Variants in MAP2 observed in about 807,000 individuals in gnomAD.
MAP2 encodes microtubule-associated protein 2.
In MAP2, 14 loss-of-function variants were observed where a neutral mutation model predicts 137.6. That is an observed-to-expected ratio of 0.10 (90% CI 0.07 to 0.16). MAP2 has a LOEUF of 0.16. Ranked by LOEUF, MAP2 falls within the 10% of genes least tolerant of loss-of-function variation. The pLI is 1.00. For synonymous variants in MAP2, 786 were observed against 782.3 expected (o/e 1.00, Z -0.08); for missense variants, 2,088 against 2,191.5 (o/e 0.95, Z 0.94).
chr2:209,618,375 C>T (rs529014399), intron 3 of MAP2, among the ~76,000 whole-genome samples: 11 of 152,188 alleles, frequency 7.2e-5, no homozygotes, highest in African/African-American at 1.2e-4. Flanking sequence ...TACAAAAGTC[C>T]TTGAGGCTAA....
At chr2:209,656,365 C>T (rs1226658182) in intron 5 of MAP2, among the ~76,000 whole-genome samples, 2 of 151,852 alleles carry the variant, frequency 1.3e-5, no homozygotes, top group African/African-American at 2.4e-5. Context: ...AAAAATTAGC[C>T]GGGTATGATG....
chr2:209,531,648 A>C (rs1183595574), intron 2 of MAP2, among the ~76,000 whole-genome samples: 1 of 152,178 alleles, frequency 6.6e-6, no homozygotes, highest in East Asian at 1.9e-4. Context: ...ATAGTTTTAG[A>C]AATCTGTTAT....
intron 1 of MAP2, among the ~76,000 whole-genome samples, chr2:209,476,237 T>A (rs1707182090): frequency 6.6e-6 from 1 of 152,120 alleles, no homozygotes; most frequent in Non-Finnish European, 1.5e-5. Flanking sequence ...GTGATAGCAG[T>A]CACTTGGAAA....
Position 209,541,085 on chromosome 2 carries a change from C to T in MAP2, c.-172+33444C>T, listed in dbSNP as rs953456516. ...TTATTCTGTCACCCAGGCTGGAGTG[C>T]GATGGCACGATCTCGGCTCACTGCA... On this transcript the variant is annotated intron_variant, in intron 2 of 15. Coordinates refer to ENST00000682079, the MANE Select transcript of MAP2 (RefSeq NM_001375505.1). Among the ~76,000 whole-genome samples the T allele has an allele frequency of 6.0e-5, 9 of 151,086 alleles. No homozygotes were observed. In the East Asian group the frequency reaches 1.5e-3, roughly 26 times the overall value.
chr2:209,686,189 A>G (rs1377077204), intron 7 of MAP2, among the ~76,000 whole-genome samples: 1 of 152,220 alleles, frequency 6.6e-6, no homozygotes, highest in African/African-American at 2.4e-5. Flanking sequence ...TGAACTAAGA[A>G]TATCAAACGT....
At chr2:209,485,728 C>A (rs1331583147) in intron 1 of MAP2, among the ~76,000 whole-genome samples, 8 of 152,216 alleles carry the variant, frequency 5.3e-5, no homozygotes, top group Non-Finnish European at 8.8e-5. Flanking sequence ...AACACTGCTA[C>A]TATAATCCCA....
At chr2:209,628,584 C>G (rs2092660265) in intron 4 of MAP2, among the ~76,000 whole-genome samples, 1 of 152,136 alleles carries the variant, frequency 6.6e-6, no homozygotes, top group African/African-American at 2.4e-5. Flanking sequence ...GTCTATTGTT[C>G]ACATGGAAGT....
At chr2:209,673,643 G>A (rs1044902768) in intron 5 of MAP2, among the ~76,000 whole-genome samples, 7 of 151,758 alleles carry the variant, frequency 4.6e-5, no homozygotes, top group African/African-American at 1.7e-4. Flanking sequence ...GCAGTTTTAT[G>A]TTTGTTTAAT....
chr2:209,690,947 G>T (rs148207571), intron 7 of MAP2: 2 of 1,105,526 alleles, frequency 1.8e-6, no homozygotes, highest in Non-Finnish European at 2.3e-6. Flanking sequence ...CTATTTCATC[G>T]CTGGGTCTTA....
At chr2:209,605,857 G>A (rs1315469223) in intron 3 of MAP2, among the ~76,000 whole-genome samples, 1 of 152,022 alleles carries the variant, frequency 6.6e-6, no homozygotes, top group Admixed American at 6.6e-5. Flanking sequence ...CCTTAGACTT[G>A]CAATTTAAAT....
At chr2:209,631,303 C>T (rs1163874526) in intron 4 of MAP2, among the ~76,000 whole-genome samples, 14 of 152,210 alleles carry the variant, frequency 9.2e-5, no homozygotes, top group Non-Finnish European at 1.0e-4. Flanking sequence ...CTTAAACCAA[C>T]GTTTCAGTAC....
At chr2:209,583,058 GT>G (rs1238324440) in intron 3 of MAP2, among the ~76,000 whole-genome samples, 1 of 151,760 alleles carries the variant, frequency 6.6e-6, no homozygotes, top group African/African-American at 2.4e-5. Flanking sequence ...ATGCAATAAG[GT>G]TAAAACAGTA....
chr2:209,485,576 A>T (rs2058276330), intron 1 of MAP2, among the ~76,000 whole-genome samples: 1 of 152,206 alleles, frequency 6.6e-6, no homozygotes, highest in Non-Finnish European at 1.5e-5. Context: ...TGTCGTTGGG[A>T]AGCAGGTGTC....
intron 5 of MAP2, among the ~76,000 whole-genome samples, chr2:209,667,663 C>T (rs2046938140): frequency 6.6e-6 from 1 of 151,780 alleles, no homozygotes; most frequent in East Asian, 1.9e-4. Flanking sequence ...GTAATATTTT[C>T]CTGAAAATTT....
Position 209,682,859 on chromosome 2 carries a change from T to G in MAP2, c.454+2032T>G, listed in dbSNP as rs184551153. 7.1e-4 allele frequency among the ~76,000 whole-genome samples: 108 copies of G among 152,230 alleles called. 1 individual carries two copies. Among genetic ancestry groups the G allele is most frequent in the African/African-American group, 2.5e-3 (102 of 41,546 alleles). ...TCAGTGGCCTAGATTTCATTCTGAA[T>G]GCAGCGGGAAGCCTGACATGACCCT... On this transcript the variant is annotated intron_variant, in intron 7 of 15. Coordinates refer to ENST00000682079, the MANE Select transcript of MAP2 (RefSeq NM_001375505.1).
chr2:209,474,941 A>C (rs1370083796), intron 1 of MAP2, among the ~76,000 whole-genome samples: 1 of 151,990 alleles, frequency 6.6e-6, no homozygotes, highest in East Asian at 1.9e-4. Flanking sequence ...GATAATTTCA[A>C]ATATCTTTTT....
At chr2:209,527,393 G>A (rs1431284785) in intron 2 of MAP2, among the ~76,000 whole-genome samples, 2 of 152,052 alleles carry the variant, frequency 1.3e-5, no homozygotes, top group East Asian at 3.9e-4. Context: ...GCACATCATA[G>A]TTGCTCAATA....
At chr2:209,532,274 GA>G (rs2065241066) in intron 2 of MAP2, among the ~76,000 whole-genome samples, 1 of 149,284 alleles carries the variant, frequency 6.7e-6, no homozygotes, top group South Asian at 2.1e-4. Context: ...GAAGGAGGAA[GA>G]AAAAAATGAA....
intron 4 of MAP2, among the ~76,000 whole-genome samples, chr2:209,625,612 C>G (rs896221725): frequency 3.9e-5 from 6 of 152,070 alleles, no homozygotes; most frequent in Admixed American, 2.6e-4. Flanking sequence ...GCATACATGG[C>G]TTTGGAAGCA....
Sources: allele counts gnomAD v4.1 joint callset (sites outside exome capture counted in the v4.1 genomes callset), GRCh38; gene constraint gnomAD v4.1.1; transcripts MANE v1.5; gene names NCBI Gene and HGNC (gene_info 2026-07-23, HGNC 2026-07-21).